The following WDPCP variants were observed in gnomAD, a reference collection of about 807,000 sequenced individuals.
WDPCP encodes WD repeat containing planar cell polarity effector.
In WDPCP, 71 loss-of-function variants were observed where a neutral mutation model predicts 93.1. The ratio of observed to expected loss-of-function variants is 0.76; its 90% CI spans 0.63 to 0.93. The LOEUF is 0.93. Among genes scored for constraint, WDPCP ranks in the 40% least tolerant of loss-of-function variants. WDPCP has a pLI of 0.00. For synonymous variants in WDPCP, 315 were observed against 315.0 expected (o/e 1.00, Z 0.00); for missense variants, 844 against 887.4 (o/e 0.95, Z 0.62).
intron 1 of WDPCP, among the ~76,000 whole-genome samples, chr2:63,575,665 C>A (rs889792435): frequency 2.0e-5 from 3 of 148,992 alleles, no homozygotes; most frequent in Non-Finnish European, 4.5e-5. Context: ...CTAAATATAT[C>A]TTATTTACTA....
intron 17 of WDPCP, among the ~76,000 whole-genome samples, chr2:63,130,381 T>G (rs1402372353): frequency 6.6e-6 from 1 of 152,270 alleles, no homozygotes; most frequent in African/African-American, 2.4e-5. Context: ...TTTTCCCCCA[T>G]TAAATGGTCT....
intron 2 of WDPCP, among the ~76,000 whole-genome samples, chr2:63,706,103 A>G (rs1344077391): frequency 6.6e-6 from 1 of 152,078 alleles, no homozygotes; most frequent in African/African-American, 2.4e-5. Context: ...TGTTTTATCC[A>G]AGACTAGGAT....
intron 14 of WDPCP, among the ~76,000 whole-genome samples, chr2:63,184,305 A>G (rs1001128101): frequency 6.6e-6 from 1 of 151,658 alleles, no homozygotes; most frequent in Non-Finnish European, 1.5e-5. Flanking sequence ...AACTGTTTTT[A>G]TAAGACCTGT....
chr2:63,144,511 C>T (rs1671338701), intron 17 of WDPCP, among the ~76,000 whole-genome samples: 1 of 152,186 alleles, frequency 6.6e-6, no homozygotes, highest in African/African-American at 2.4e-5. Flanking sequence ...GCCTCACCCT[C>T]CCAAAGTACT....
chr2:63,389,460 G>C (rs1420540908), intron 10 of WDPCP, among the ~76,000 whole-genome samples: 8 of 152,106 alleles, frequency 5.3e-5, no homozygotes, highest in Non-Finnish European at 8.8e-5. Flanking sequence ...AAATTATAAA[G>C]ACCATCCATG....
At chr2:63,130,508 T>C (rs2153399149) in intron 17 of WDPCP, among the ~76,000 whole-genome samples, 1 of 152,318 alleles carries the variant, frequency 6.6e-6, no homozygotes, top group South Asian at 2.1e-4. Flanking sequence ...TTGATTACTG[T>C]AGCTTTGTAG....
intron 6 of WDPCP, among the ~76,000 whole-genome samples, chr2:63,447,513 C>T (rs1422041351): frequency 6.6e-6 from 1 of 152,090 alleles, no homozygotes; most frequent in Non-Finnish European, 1.5e-5. Flanking sequence ...TGAAAATGCA[C>T]TAAGAGTTGT....
At chr2:63,611,371 G>A (rs776554605) in intron 3 of WDPCP, among the ~76,000 whole-genome samples, 1 of 152,070 alleles carries the variant, frequency 6.6e-6, no homozygotes. Context: ...TGTTATGAAA[G>A]CAGCAGCCTT....
At chr2:63,532,291 G>T (rs933327869) in intron 1 of WDPCP, among the ~76,000 whole-genome samples, 1 of 152,188 alleles carries the variant, frequency 6.6e-6, no homozygotes. Context: ...CACTCTTCAG[G>T]ATATTATCCA....
At chr2:63,191,383 C>T (rs1013068223) in intron 14 of WDPCP, among the ~76,000 whole-genome samples, 1 of 151,916 alleles carries the variant, frequency 6.6e-6, no homozygotes, top group Admixed American at 6.6e-5. Flanking sequence ...CAGAGCCAGA[C>T]TCCATCTCAA....
intron 2 of WDPCP, among the ~76,000 whole-genome samples, 192 bp downstream of exon 2, chr2:63,492,664 C>T (rs1558707344): frequency 6.6e-6 from 1 of 151,796 alleles, no homozygotes. Flanking sequence ...AAACTGAAAA[C>T]CTAACTCAAG....
intron 2 of WDPCP, among the ~76,000 whole-genome samples, chr2:63,664,577 G>A (rs1385998316): frequency 1.3e-5 from 2 of 152,142 alleles, no homozygotes; most frequent in African/African-American, 4.8e-5. Flanking sequence ...TGCAAGTGAG[G>A]CTGGAAACAT....
chr2:63,333,457 G>A (rs957175675), intron 12 of WDPCP, among the ~76,000 whole-genome samples: 2 of 151,308 alleles, frequency 1.3e-5, no homozygotes, highest in African/African-American at 2.4e-5. Flanking sequence ...CTAGGAACAC[G>A]TTTAAGTCCA....
intron 9 of WDPCP, among the ~76,000 whole-genome samples, chr2:63,427,923 G>A (rs1696443731): frequency 6.6e-6 from 1 of 152,010 alleles, no homozygotes; most frequent in African/African-American, 2.4e-5. Flanking sequence ...GAATGCAAAA[G>A]ATCCTTAGAG....
rs749524683 is a variant in WDPCP at position 63,378,439 on chromosome 2, T to C, written c.1695A>G (p.Glu565=). The change falls in exon 12 of 18, where the codon GAA becomes GAG. Residue 565 remains glutamate, a synonymous_variant. Transcript: ENST00000272321. The part of the protein sequence containing the change: ...TRPLLDSTIL[E]YRDQISKYAR... The stretch of plus-strand genomic sequence containing the variant: ...CATATTTGCTGATTTGATCTCTATA[T>C]TCCAATATAGTGGAATCCAGAAGTG... The C allele has an allele frequency of 6.8e-6, 11 of 1,613,264 alleles. No individual in the cohort carries two copies. The Middle Eastern group carries it at 6.6e-4, about 97-fold the overall frequency.
chr2:63,797,494 CCACAAA>C (rs1419632661), intron 2 of WDPCP, among the ~76,000 whole-genome samples: 20 of 151,950 alleles, frequency 1.3e-4, no homozygotes, highest in African/African-American at 4.8e-4. Flanking sequence ...GCAGCATTCA[CCACAAA>C]CTGACCAAAG....
intron 14 of WDPCP, among the ~76,000 whole-genome samples, chr2:63,225,554 T>C (rs1420085287): frequency 6.6e-6 from 1 of 151,816 alleles, no homozygotes; most frequent in African/African-American, 2.4e-5. Flanking sequence ...AATGGGTATA[T>C]ACATTCACAA....
At chr2:63,425,908 C>T (rs1037374981) in intron 9 of WDPCP, among the ~76,000 whole-genome samples, 2 of 152,126 alleles carry the variant, frequency 1.3e-5, no homozygotes, top group African/African-American at 2.4e-5. Context: ...GACAACCATC[C>T]CCAAGGCACA....
chr2:63,195,935 T>A (rs1277023864), intron 14 of WDPCP, among the ~76,000 whole-genome samples: 1 of 152,226 alleles, frequency 6.6e-6, no homozygotes, highest in Non-Finnish European at 1.5e-5. Flanking sequence ...ACACATAATG[T>A]ACTACTGTAA....
Sources: allele counts gnomAD v4.1 joint callset (sites outside exome capture counted in the v4.1 genomes callset), GRCh38; gene constraint gnomAD v4.1.1; transcripts MANE v1.5; gene names NCBI Gene and HGNC (gene_info 2026-07-23, HGNC 2026-07-21).